The following UNC79 variants were observed in gnomAD, a reference collection of about 807,000 sequenced individuals.
UNC79 encodes the protein unc-79 subunit of NALCN channel complex.
A neutral mutation model predicts 283.1 loss-of-function variants in UNC79; 37 were observed. That is an observed-to-expected ratio of 0.13 (90% confidence interval 0.10 to 0.17). The LOEUF (loss-of-function observed/expected upper bound fraction) is 0.17. Ranked by LOEUF, UNC79 falls within the 10% of genes least tolerant of loss-of-function variation. The probability of loss-of-function intolerance (pLI) is 1.00; values close to 1 mark genes in which losing one functional copy is unlikely to be tolerated. For missense variants in UNC79, 2,272 were observed against 3,211.1 expected, an observed-to-expected ratio of 0.71 and a Z score of 7.07; for synonymous variants, 1,107 against 1,200.2, an observed-to-expected ratio of 0.92 and a Z score of 1.61.
intron 9 of UNC79, 26 bp downstream of exon 9, chr14:93,528,672 A>G: frequency 1.3e-6 from 2 of 1,596,594 alleles, no homozygotes; most frequent in Non-Finnish European, 1.7e-6. Flanking sequence ...CTTAAAGAAA[A>G]GGAAATAGGA....
At chr14:93,573,102 A>G (rs2063297849) in intron 16 of UNC79, among the ~76,000 whole-genome samples, 1 of 152,202 alleles carries the variant, frequency 6.6e-6, no homozygotes, top group Non-Finnish European at 1.5e-5. Flanking sequence ...AAAGTACAAT[A>G]GCTGTCTTGT....
intron 41 of UNC79, among the ~76,000 whole-genome samples, chr14:93,676,286 C>T (rs1361600897): frequency 6.6e-6 from 1 of 152,132 alleles, no homozygotes; most frequent in East Asian, 1.9e-4. Flanking sequence ...TCTTGAACTC[C>T]TGGACTCAAG....
intron 1 of UNC79, among the ~76,000 whole-genome samples, chr14:93,338,841 G>A (rs1014786869): frequency 6.6e-6 from 1 of 152,162 alleles, no homozygotes; most frequent in Non-Finnish European, 1.5e-5. Context: ...CCTGGGAGGT[G>A]GAGGTTGCTG....
intron 1 of UNC79, chr14:93,348,128 A>T: frequency 6.5e-7 from 1 of 1,547,346 alleles, no homozygotes; most frequent in Non-Finnish European, 8.9e-7. Flanking sequence ...TAGATGGAAG[A>T]TGATGTTGAA....
At chr14:93,689,842 C>A in intron 44 of UNC79, 1 of 385,736 alleles carries the variant, frequency 2.6e-6, no homozygotes, top group South Asian at 5.4e-5. Context: ...GAAAGAGAAG[C>A]TAGTCAGAGA....
At chr14:93,502,676 G>A (rs1253586804) in intron 7 of UNC79, among the ~76,000 whole-genome samples, 2 of 152,146 alleles carry the variant, frequency 1.3e-5, no homozygotes, top group African/African-American at 4.8e-5. Flanking sequence ...AGCAGTTATT[G>A]TTCAGTTTCC....
chr14:93,459,710 G>T (rs372461400), intron 1 of UNC79, among the ~76,000 whole-genome samples: 1 of 97,356 alleles, frequency 1.0e-5, no homozygotes, highest in African/African-American at 4.0e-5. Flanking sequence ...TCACTCTTTC[G>T]CCCAAGCTGG....
At chr14:93,394,056 C>T (rs2054939250) in intron 1 of UNC79, among the ~76,000 whole-genome samples, 1 of 151,986 alleles carries the variant, frequency 6.6e-6, no homozygotes, top group Non-Finnish European at 1.5e-5. Context: ...TTCCTAGTAC[C>T]CATGAATAAC....
intron 18 of UNC79, 50 bp from the exon 19 acceptor site, chr14:93,580,099 C>CTT (rs149492147): frequency 3.5e-4 from 456 of 1,306,902 alleles, no homozygotes; most frequent in African/African-American, 2.7e-3. Context: ...CCTTCTTCTT[C>CTT]TTTTTTTTTT....
chr14:93,672,171 G>C (rs1460643282), intron 40 of UNC79, among the ~76,000 whole-genome samples: 1 of 152,164 alleles, frequency 6.6e-6, no homozygotes, highest in Admixed American at 6.6e-5. Flanking sequence ...ATTCAACAAT[G>C]TGACTACTTG....
chr14:93,707,020 G>C (rs368848101), downstream of UNC79: 6 of 1,288,452 alleles, frequency 4.7e-6, no homozygotes, highest in Admixed American at 2.5e-5. Context: ...TCTCTTTCTA[G>C]TTTAGTAAAA....
intron 1 of UNC79, among the ~76,000 whole-genome samples, chr14:93,447,944 T>C (rs187434889): frequency 2.0e-5 from 3 of 152,210 alleles, no homozygotes; most frequent in Non-Finnish European, 2.9e-5. Context: ...AGTCTGAGTG[T>C]CACGTGGGCT....
At position 93,474,479 on chromosome 14, in the gene UNC79, C is replaced by G; in HGVS notation, c.448+86C>G. The G allele has an allele frequency of 7.1e-7, 1 of 1,414,172 alleles. No homozygotes were observed. Among genetic ancestry groups the G allele is most frequent in the Non-Finnish European group, 9.4e-7 (1 of 1,065,452 alleles). The allele number at this position is 1,414,172 out of a possible 1,614,324, so 87.6% of individuals were successfully genotyped here. A position where few individuals can be genotyped will look rare whatever the true frequency, so the allele number is the denominator to read the frequency against. ...TGAGCAAGGGGCTTGGAGATGGTCA[C>G]TGTTGTAATCAATCACCTGAAAGGG... On this transcript the variant is annotated intron_variant, in intron 3 of 48. Coordinates refer to ENST00000555664, the Ensembl canonical transcript of UNC79. This position sits in a 1 kb window ranked among gnomAD's most constrained non-coding sequence, Gnocchi z 4.1.
intron 11 of UNC79, among the ~76,000 whole-genome samples, chr14:93,534,500 G>T (rs952783283): frequency 1.3e-5 from 2 of 152,134 alleles, no homozygotes; most frequent in African/African-American, 4.8e-5. Context: ...CATCTATAAT[G>T]ATTTTTGAGG....
At chr14:93,612,238 T>A (rs1175690384) in intron 26 of UNC79, among the ~76,000 whole-genome samples, 1 of 152,252 alleles carries the variant, frequency 6.6e-6, no homozygotes, top group Non-Finnish European at 1.5e-5. Flanking sequence ...ATTTTGGCTA[T>A]TTCATTTAAA....
intron 1 of UNC79, among the ~76,000 whole-genome samples, chr14:93,439,887 A>C (rs2056230528): frequency 6.6e-6 from 1 of 152,130 alleles, no homozygotes; most frequent in Non-Finnish European, 1.5e-5. Context: ...TTTGCATAGA[A>C]TTATGCAAAT....
intron 7 of UNC79, among the ~76,000 whole-genome samples, chr14:93,501,562 C>G (rs1378561080): frequency 6.6e-6 from 1 of 151,922 alleles, no homozygotes; most frequent in Non-Finnish European, 1.5e-5. Context: ...ATGGTGCGTG[C>G]CTATAATCCC....
chr14:93,494,276 G>T (rs1301307778), intron 5 of UNC79, among the ~76,000 whole-genome samples: 2 of 152,082 alleles, frequency 1.3e-5, no homozygotes, highest in African/African-American at 2.4e-5. Context: ...AACCATTCAT[G>T]AAGGACCCAC....
chr14:93,660,533 A>C (rs2071435461), intron 39 of UNC79, among the ~76,000 whole-genome samples: 1 of 85,954 alleles, frequency 1.2e-5, no homozygotes, highest in Non-Finnish European at 2.3e-5. Context: ...ATATATATAT[A>C]TATATATATA....
Sources: allele counts gnomAD v4.1 joint callset (sites outside exome capture counted in the v4.1 genomes callset), GRCh38; gene constraint gnomAD v4.1.1; non-coding constraint Gnocchi (gnomAD v3.1); transcripts MANE v1.5; gene names NCBI Gene and HGNC (gene_info 2026-07-23, HGNC 2026-07-21).